Variants in HCN3 observed in about 807,000 individuals in gnomAD.
HCN3 encodes the protein potassium/sodium hyperpolarization-activated cyclic nucleotide-gated channel 3.
A neutral mutation model predicts 56.8 loss-of-function variants in HCN3; 36 were observed. That is an observed-to-expected ratio of 0.63 (90% confidence interval 0.49 to 0.84). The LOEUF (loss-of-function observed/expected upper bound fraction) is 0.84, where lower values mean the gene tolerates loss of function less well. Ranked by LOEUF, HCN3 falls within the 40% of genes least tolerant of loss-of-function variation. The pLI is 0.00. For missense variants in HCN3, 930 were observed against 1,079.3 expected (o/e 0.86, Z 1.94); for synonymous variants, 425 against 439.7 (o/e 0.97, Z 0.42).
rs745447806 is a variant in HCN3, at chr1:155,288,367, G to T, written c.2229G>T (p.Gly743=). The change falls in exon 8 of 8, where the codon GGG becomes GGT. Residue 743 remains glycine, a synonymous_variant. Transcript: ENST00000368358. The surrounding 1 kb of genome is among the most constrained non-coding windows in gnomAD (Gnocchi z 6.5). The stretch of plus-strand genomic sequence containing the variant: ...GAAGTGAGCGGCTGCCTCCCTCAGG[G>T]CTCCTGGCCAAACCTCCAAGGACAG... The part of the protein sequence containing the change: ...GSGSERLPPS[G]LLAKPPRTAQ... The T allele has an allele frequency of 3.7e-6, 6 of 1,613,840 alleles. No homozygotes were observed. In the Admixed American group the frequency reaches 1.0e-4, roughly 27 times the overall value.
Position 155,282,872 on chromosome 1 carries a change from G to C in HCN3, c.708+32G>C, listed in dbSNP as rs1221355090. The C allele has an allele frequency of 6.5e-7, 1 of 1,529,306 alleles. No individual in the cohort carries two copies. Among genetic ancestry groups the C allele is most frequent in the Non-Finnish European group, 8.8e-7 (1 of 1,135,456 alleles). The allele number at this position is 1,529,306 out of a possible 1,614,324, so 94.7% of individuals were successfully genotyped here. A position where few individuals can be genotyped will look rare whatever the true frequency, so the allele number is the denominator to read the frequency against. ...TGGGGAGATGGCGGGCGGGGCAGTG[G>C]GTGGGGGATGTTGGGGGAGAAGGGG... On this transcript the variant is annotated intron_variant, in intron 2 of 7. Transcript: ENST00000368358. This position sits in a 1 kb window ranked among gnomAD's most constrained non-coding sequence, Gnocchi z 4.7.
intron 1 of HCN3, among the ~76,000 whole-genome samples, chr1:155,280,040 G>A (rs1278820149): frequency 2.0e-5 from 3 of 151,688 alleles, no homozygotes; most frequent in Admixed American, 6.6e-5. Context: ...TCCGCCTCCC[G>A]GGTTCAAGCG....
chr1:155,285,113 CCCAAAT>C lies in HCN3; in HGVS notation c.1090-50_1090-45del. 6.3e-7 allele frequency: 1 copy of C among 1,596,700 alleles called. No homozygotes were observed. Among genetic ancestry groups the C allele is most frequent in the Non-Finnish European group, 8.6e-7 (1 of 1,168,972 alleles). ...CGCACACACACCCCACTGTGCCGGC[CCCAAAT>C]CTCTCCCTCTGTCCTCTTGCCCCTG... is the stretch of plus-strand genomic sequence containing the variant. On this transcript the variant is annotated intron_variant, in intron 4 of 7. Coordinates refer to ENST00000368358, the MANE Select transcript of HCN3 (RefSeq NM_020897.3). The surrounding 1 kb of genome is among the most constrained non-coding windows in gnomAD (Gnocchi z 4.5).
intron 7 of HCN3, 51 bp downstream of exon 7, chr1:155,287,388 C>T (rs1484861166): frequency 8.1e-6 from 13 of 1,599,686 alleles, no homozygotes; most frequent in South Asian, 1.1e-5. Flanking sequence ...GCTCTCACCC[C>T]ACCTCCAAAG....
At position 155,287,293 on chromosome 1, in the gene HCN3, G is replaced by A. The variant is rs201531495; in HGVS notation, c.1598G>A (p.Arg533His). The change falls in exon 7 of 8, where the codon CGC (arginine) becomes CAC (histidine). Residue 533 changes from arginine (R) to histidine (H), a missense_variant. By Grantham distance (29) the Arg-to-His change is conservative (BLOSUM62 0). Transcript: ENST00000368358. ...NAVLEEFPMM[R>H]RAFETVAMDR... ...GTGCTTGAGGAGTTCCCCATGATGCGCCGGGCCTTTGAGACTGTGGCCATG... is the reference window on the plus strand; with the variant it reads ...GTGCTTGAGGAGTTCCCCATGATGCACCGGGCCTTTGAGACTGTGGCCATG... 19 of 1,613,956 alleles carry A rather than the reference G, an allele frequency of 1.2e-5. No homozygotes were observed. Among genetic ancestry groups the A allele is most frequent in the East Asian group, 1.1e-4 (5 of 44,878 alleles).
chr1:155,284,378 CT>C lies in HCN3; in HGVS notation c.871-157del. 1 of 900,686 alleles carries C rather than the reference CT, an allele frequency of 1.1e-6. No individual in the cohort carries two copies. Among genetic ancestry groups the C allele is most frequent in the Non-Finnish European group, 1.6e-6 (1 of 610,354 alleles). The allele number at this position is 900,686 out of a possible 1,614,324, so 55.8% of individuals were successfully genotyped here. ...GGCCCCCAAGTTGCAATAGAGGACCCTTTTGCCTCAGGGCCCCCCAGAACCA... is the reference window on the plus strand; with the variant it reads ...GGCCCCCAAGTTGCAATAGAGGACCCTTTGCCTCAGGGCCCCCCAGAACCA... On this transcript the variant is annotated intron_variant, in intron 3 of 7. Coordinates refer to ENST00000368358, the MANE Select transcript of HCN3 (RefSeq NM_020897.3). This position sits in a 1 kb window ranked among gnomAD's most constrained non-coding sequence, Gnocchi z 4.3.
rs1351389802 is a variant in HCN3, at chr1:155,284,739, G to T, written c.1071G>T (p.Arg357=). 2 of 1,613,858 alleles carry T rather than the reference G, an allele frequency of 1.2e-6. No individual in the cohort carries two copies. The highest frequency in any genetic ancestry group is 1.3e-5 in the African/African-American group (1 of 74,920). The change falls in exon 4 of 8, where the codon CGG becomes CGT. Residue 357 remains arginine, a synonymous_variant. Coordinates refer to ENST00000368358, the MANE Select transcript of HCN3 (RefSeq NM_020897.3). This position sits in a 1 kb window ranked among gnomAD's most constrained non-coding sequence, Gnocchi z 4.3. ...TCATCCAGTCCCTGGACTCTTCCCG[G>T]CGTCAGTACCAGGAGAAGGTCAGCA... ...TALIQSLDSS[R]RQYQEKYKQV...
intron 1 of HCN3, 57 bp downstream of exon 1, chr1:155,277,925 G>A: frequency 6.4e-7 from 1 of 1,559,362 alleles, no homozygotes; most frequent in Non-Finnish European, 8.7e-7. Context: ...CGCGGGCAGC[G>A]ACACCGGGAC....
At chr1:155,279,632 G>A (rs1218496536) in intron 1 of HCN3, among the ~76,000 whole-genome samples, 1 of 152,226 alleles carries the variant, frequency 6.6e-6, no homozygotes, top group Non-Finnish European at 1.5e-5. Flanking sequence ...GAGGAATGGG[G>A]TGGAGAAGGC....
In HCN3 at chr1:155,284,588, G is replaced by A. The variant is rs1312592099; in HGVS notation, c.920G>A (p.Ser307Asn). Residue 307 changes from serine to asparagine, a missense_variant, in exon 4 of 8, where the codon AGC becomes AAC. Coordinates refer to ENST00000368358, the MANE Select transcript of HCN3 (RefSeq NM_020897.3). This position sits in a 1 kb window ranked among gnomAD's most constrained non-coding sequence, Gnocchi z 4.3. ...QYSHALFKAM[S>N]HMLCIGYGQQ... ...TCCCATGCCCTGTTCAAGGCCATGA[G>A]CCACATGCTGTGCATTGGCTATGGG... 1 of 1,613,590 alleles carries A rather than the reference G, an allele frequency of 6.2e-7. No homozygotes were observed. Among genetic ancestry groups the A allele is most frequent in the Non-Finnish European group, 8.5e-7 (1 of 1,180,056 alleles).
At position 155,287,728 on chromosome 1, in the gene HCN3, C is replaced by T. The variant is rs1015155870; in HGVS notation, c.1643-53C>T. The T allele has an allele frequency of 2.6e-6, 4 of 1,534,338 alleles. No homozygotes were observed. In the African/African-American group the frequency reaches 4.1e-5, roughly 16 times the overall value. ...CTCATACTCTTTGATATCCAACATC[C>T]ATCTTGGATTCCTTCCCTATCCTTA... On this transcript the variant is annotated intron_variant, in intron 7 of 7. Coordinates refer to ENST00000368358, the MANE Select transcript of HCN3 (RefSeq NM_020897.3).
rs1331278603 is a variant in HCN3, at chr1:155,284,568, T to A, written c.900T>A (p.His300Gln). The stretch of plus-strand genomic sequence containing the variant: ...ACTCGTGGGGCCGCCAGTATTCCCA[T>A]GCCCTGTTCAAGGCCATGAGCCACA... ...VNHSWGRQYS[H>Q]ALFKAMSHML... is the part of the protein sequence containing the mutation. Residue 300 changes from histidine (H) to glutamine (Q), a missense_variant, in exon 4 of 8, where the codon CAT (histidine) becomes CAA (glutamine). Coordinates refer to ENST00000368358, the MANE Select transcript of HCN3 (RefSeq NM_020897.3). The surrounding 1 kb of genome is among the most constrained non-coding windows in gnomAD (Gnocchi z 4.3). The A allele has an allele frequency of 1.2e-6, 2 of 1,613,218 alleles. No homozygotes were observed. Among genetic ancestry groups the A allele is most frequent in the Non-Finnish European group, 8.5e-7 (1 of 1,180,044 alleles).
rs1010303122 is a variant in HCN3 at position 155,284,382 on chromosome 1, T to C, written c.871-157T>C. 1.1e-6 allele frequency: 1 copy of C among 910,848 alleles called. No individual in the cohort carries two copies. The highest frequency in any genetic ancestry group is 2.7e-5 in the East Asian group (1 of 37,558). The allele number at this position is 910,848 out of a possible 1,614,324, so 56.4% of individuals were successfully genotyped here. A position where few individuals can be genotyped will look rare whatever the true frequency, so the allele number is the denominator to read the frequency against. ...CCCAAGTTGCAATAGAGGACCCTTT[T>C]GCCTCAGGGCCCCCCAGAACCAAAC... is the stretch of plus-strand genomic sequence containing the variant. On this transcript the variant is annotated intron_variant, in intron 3 of 7. Transcript: ENST00000368358. The surrounding 1 kb of genome is among the most constrained non-coding windows in gnomAD (Gnocchi z 4.3).
Position 155,288,246 on chromosome 1 carries a change from G to C in HCN3, c.2108G>C (p.Arg703Pro). 2 of 1,589,312 alleles carry C rather than the reference G, an allele frequency of 1.3e-6. No homozygotes were observed. Among genetic ancestry groups the C allele is most frequent in the South Asian group, 1.1e-5 (1 of 89,542 alleles). The stretch of plus-strand genomic sequence containing the variant: ...GGTCCCCCTCCAGGAGGAGGTGGAC[G>C]GCGGCTAGGACCTCGGGGCCGCCCA... ...LLGPPPGGGG[R>P]RLGPRGRPLS... is the part of the protein sequence containing the mutation. The change falls in exon 8 of 8, where the codon CGG becomes CCG. Residue 703 changes from arginine to proline, a missense_variant. By Grantham distance (103) the Arg-to-Pro change is moderately radical (BLOSUM62 -2). Coordinates refer to ENST00000368358, the MANE Select transcript of HCN3 (RefSeq NM_020897.3). The surrounding 1 kb of genome is among the most constrained non-coding windows in gnomAD (Gnocchi z 6.5).
chr1:155,277,863 CT>C lies in HCN3; in HGVS notation c.275del (p.Phe92SerfsTer7), dbSNP rs1432503791. On this transcript the variant is annotated frameshift_variant, in exon 1 of 8. Transcript: ENST00000368358. LOFTEE classifies it high-confidence loss of function. The stretch of plus-strand genomic sequence containing the variant: ...CCTGGATCATCCACCCCTACAGCGA[CT>C]TCCGGTATTGGGGGCTTGGCGGGGA... ...GAWIIHPYSD[F>X]RFYWDLIMLL... 6.2e-7 allele frequency: 1 copy of C among 1,611,788 alleles called. No individual in the cohort carries two copies.
chr1:155,285,745 C>T lies in HCN3; in HGVS notation c.1258C>T (p.Arg420Trp), dbSNP rs576680898. The T allele has an allele frequency of 4.3e-5, 69 of 1,614,026 alleles. No individual in the cohort carries two copies. Among genetic ancestry groups the T allele is most frequent in the Non-Finnish European group, 5.4e-5 (64 of 1,180,022 alleles). The change falls in exon 6 of 8, where the codon CGG (arginine) becomes TGG (tryptophan). Residue 420 changes from arginine (R) to tryptophan (W), a missense_variant. Arg to Trp is a moderately radical substitution (Grantham distance 101). Coordinates refer to ENST00000368358, the MANE Select transcript of HCN3 (RefSeq NM_020897.3). This position sits in a 1 kb window ranked among gnomAD's most constrained non-coding sequence, Gnocchi z 4.5. ...LREEIINFTCRGLVAHMPLFA... is the reference protein window; with the variant it reads ...LREEIINFTCWGLVAHMPLFA... Reference sequence around the variant, plus strand: ...CCAGGAGATCATTAACTTCACCTGTCGGGGCCTGGTGGCCCACATGCCGCT... The same window carrying T: ...CCAGGAGATCATTAACTTCACCTGTTGGGGCCTGGTGGCCCACATGCCGCT...
chr1:155,288,125 G>A lies in HCN3; in HGVS notation c.1987G>A (p.Gly663Ser), dbSNP rs1386865372. 6.3e-7 allele frequency: 1 copy of A among 1,598,716 alleles called. No homozygotes were observed. The highest frequency in any genetic ancestry group is 1.7e-5 in the Admixed American group (1 of 58,794). Residue 663 changes from glycine (G) to serine (S), a missense_variant, in exon 8 of 8, where the codon GGC (glycine) becomes AGC (serine). By Grantham distance (56) the Gly-to-Ser change is moderately conservative. Transcript: ENST00000368358. The surrounding 1 kb of genome is among the most constrained non-coding windows in gnomAD (Gnocchi z 6.5). ...PASPLVPVRA[G>S]PWASTSRLPA... ...TTCCCCGCTGGTGCCCGTCCGAGCT[G>A]GCCCATGGGCATCCACCTCCCGCCT...
chr1:155,287,956 G>A lies in HCN3; in HGVS notation c.1818G>A (p.Leu606=). The change falls in exon 8 of 8, where the codon CTG becomes CTA. Residue 606 remains leucine (L), a synonymous_variant. Transcript: ENST00000368358. The stretch of plus-strand genomic sequence containing the variant: ...GAAAGCCAGTACTGTGGGAGCCACT[G>A]GTACATGCGCCCCTTCAGGCAGCTG... ...LSGKPVLWEP[L]VHAPLQAAAV... 1 of 1,614,066 alleles carries A rather than the reference G, an allele frequency of 6.2e-7. No individual in the cohort carries two copies. Among genetic ancestry groups the A allele is most frequent in the Non-Finnish European group, 8.5e-7 (1 of 1,180,016 alleles).
chr1:155,287,981 G>T lies in HCN3; in HGVS notation c.1843G>T (p.Ala615Ser). The change falls in exon 8 of 8, where the codon GCT (alanine) becomes TCT (serine). Residue 615 changes from alanine to serine, a missense_variant. Coordinates refer to ENST00000368358, the MANE Select transcript of HCN3 (RefSeq NM_020897.3). ...PLVHAPLQAA[A>S]VTSNVAIALT... ...GGTACATGCGCCCCTTCAGGCAGCT[G>T]CTGTGACCTCCAATGTGGCCATTGC... is the stretch of plus-strand genomic sequence containing the variant. The T allele has an allele frequency of 6.2e-7, 1 of 1,614,090 alleles. No individual in the cohort carries two copies.
Sources: allele counts gnomAD v4.1 joint callset (sites outside exome capture counted in the v4.1 genomes callset), GRCh38; gene constraint gnomAD v4.1.1; non-coding constraint Gnocchi (gnomAD v3.1); transcripts MANE v1.5; gene names NCBI Gene and HGNC (gene_info 2026-07-23, HGNC 2026-07-21).